MANBA: variants seen among roughly 807,000 people sequenced by gnomAD.
The protein encoded by MANBA is beta-mannosidase.
MANBA carries 83 observed loss-of-function variants against 111.1 expected under a neutral mutation model. The observed-to-expected ratio is 0.75, with a 90% CI of 0.63 to 0.90. The LOEUF (loss-of-function observed/expected upper bound fraction) is 0.90. Among genes scored for constraint, MANBA ranks in the 40% least tolerant of loss-of-function variants. The probability of loss-of-function intolerance (pLI) is 0.00; values close to 1 mark genes in which losing one functional copy is unlikely to be tolerated. For synonymous variants in MANBA, 370 were observed against 378.7 expected (o/e 0.98, Z 0.27); for missense variants, 1,036 against 1,069.0 (o/e 0.97, Z 0.43).
Position 102,632,203 on chromosome 4 carries a change from C to A in MANBA, c.2494G>T (p.Val832Leu). The stretch of plus-strand genomic sequence containing the variant: ...CTAAATCTCCCTGGGATGCTTCCTA[C>A]ATCCAACCAAACAAAGGGAGCGACA... ...SAVAPFVWLD[V>L]GSIPGRFSDN... is the part of the protein sequence containing the mutation. Residue 832 changes from valine to leucine, a missense_variant, in exon 17 of 17, where the codon GTA (valine) becomes TTA (leucine). By Grantham distance (32) the Val-to-Leu change is conservative (BLOSUM62 1). Coordinates refer to ENST00000647097, the MANE Select transcript of MANBA (RefSeq NM_005908.4). 6.2e-7 allele frequency: 1 copy of A among 1,613,530 alleles called. No individual in the cohort carries two copies. The highest frequency in any genetic ancestry group is 8.5e-7 in the Non-Finnish European group (1 of 1,179,552).
chr4:102,707,749 A>T (rs1733364643), intron 5 of MANBA, among the ~76,000 whole-genome samples: 1 of 152,180 alleles, frequency 6.6e-6, no homozygotes, highest in African/African-American at 2.4e-5. Flanking sequence ...ACCAAACTAT[A>T]TGCTGCCTAC....
rs749024457 is a variant in MANBA at position 102,673,975 on chromosome 4, T to C, written c.1056A>G (p.Leu352=). The C allele has an allele frequency of 6.2e-7, 1 of 1,610,610 alleles. No homozygotes were observed. The change falls in exon 8 of 17, where the codon CTA becomes CTG. Residue 352 remains leucine, a synonymous_variant. Coordinates refer to ENST00000647097, the MANE Select transcript of MANBA (RefSeq NM_005908.4). ...CTGCTGGGATCCAGTTTGAGCCTTT[T>C]AGAAATATGGGAAATCCATTAATTT... ...YFKINGFPIF[L]KGSNWIPADS...
At chr4:102,702,992 C>T (rs767188383) in intron 5 of MANBA, among the ~76,000 whole-genome samples, 2 of 152,174 alleles carry the variant, frequency 1.3e-5, no homozygotes, top group Non-Finnish European at 2.9e-5. Context: ...CTACTTTATC[C>T]ACTTACTGCA....
chr4:102,655,220 A>G (rs191739775), intron 12 of MANBA, among the ~76,000 whole-genome samples: 18 of 152,320 alleles, frequency 1.2e-4, no homozygotes, highest in Admixed American at 3.9e-4. Context: ...AAGATTTAAT[A>G]TTACTAGATG....
intron 7 of MANBA, chr4:102,681,619 A>G (rs572039427): frequency 1.3e-5 from 2 of 152,328 alleles, no homozygotes; most frequent in South Asian, 4.1e-4. Context: ...ACTCCAAGAG[A>G]TCACATCGAA....
chr4:102,739,920 A>G (rs1453200126), intron 1 of MANBA, among the ~76,000 whole-genome samples: 1 of 152,242 alleles, frequency 6.6e-6, no homozygotes, highest in African/African-American at 2.4e-5. Context: ...TCTCTTTGAC[A>G]TAGGACTGGA....
In MANBA at chr4:102,748,909, T is replaced by A. The variant is rs553729144; in HGVS notation, c.177+11809A>T. Reference sequence around the variant, plus strand: ...GCCTGGGTGACAAAGCAAGACTCCATCTAAAAAGAAAAAAAAAAACCCATT... The same window carrying A: ...GCCTGGGTGACAAAGCAAGACTCCAACTAAAAAGAAAAAAAAAAACCCATT... On this transcript the variant is annotated intron_variant, in intron 1 of 16. Coordinates refer to ENST00000647097, the MANE Select transcript of MANBA (RefSeq NM_005908.4). 3.3e-5 allele frequency among the ~76,000 whole-genome samples: 5 copies of A among 151,812 alleles called. No homozygotes were observed. In the East Asian group the frequency reaches 9.7e-4, roughly 29 times the overall value.
At chr4:102,649,152 C>T (rs1486409785) in intron 13 of MANBA, among the ~76,000 whole-genome samples, 2 of 152,056 alleles carry the variant, frequency 1.3e-5, no homozygotes, top group Non-Finnish European at 2.9e-5. Flanking sequence ...ATAAATTCTC[C>T]TGTTAAAAGA....
rs1729347687 is a variant in MANBA, at chr4:102,630,805, G to C, written c.*1252C>G. The C allele has an allele frequency of 6.6e-6, 1 of 152,144 alleles. No homozygotes were observed. The highest frequency in any genetic ancestry group is 2.4e-5 in the African/African-American group (1 of 41,418). 9.4% of individuals were successfully genotyped at this position (152,144 alleles called of 1,614,324 possible). A position where few individuals can be genotyped will look rare whatever the true frequency, so the allele number is the denominator to read the frequency against. On this transcript the variant is annotated 3_prime_UTR_variant, in exon 17 of 17. Coordinates refer to ENST00000647097, the MANE Select transcript of MANBA (RefSeq NM_005908.4). Reference sequence around the variant, plus strand: ...TTCTTCAAAACAAACTTACAAGGTGGGTGTTACCACTCCCATTTAGCCACA... The same window carrying C: ...TTCTTCAAAACAAACTTACAAGGTGCGTGTTACCACTCCCATTTAGCCACA...
chr4:102,736,141 G>T (rs1459265738), intron 1 of MANBA, among the ~76,000 whole-genome samples: 1 of 152,210 alleles, frequency 6.6e-6, no homozygotes, highest in African/African-American at 2.4e-5. Flanking sequence ...TGGCTATTAA[G>T]TGGTGGAGGA....
intron 4 of MANBA, among the ~76,000 whole-genome samples, chr4:102,715,382 G>A (rs1427414635): frequency 6.6e-6 from 1 of 152,134 alleles, no homozygotes; most frequent in African/African-American, 2.4e-5. Flanking sequence ...TTAAGCCAGA[G>A]GCACCCAGCT....
At chr4:102,753,679 A>C (rs1723892491) in intron 1 of MANBA, 1 of 154,310 alleles carries the variant, frequency 6.5e-6, no homozygotes, top group Admixed American at 6.5e-5. Context: ...TTCAACATAC[A>C]CAGCTTTAAA....
intron 1 of MANBA, among the ~76,000 whole-genome samples, chr4:102,753,102 G>A (rs1283575511): frequency 6.6e-6 from 1 of 151,808 alleles, no homozygotes; most frequent in Non-Finnish European, 1.5e-5. Context: ...TCTTTATAAT[G>A]GGGTGTATGA....
At chr4:102,659,572 T>G (rs535090370) in intron 11 of MANBA, among the ~76,000 whole-genome samples, 2 of 152,246 alleles carry the variant, frequency 1.3e-5, no homozygotes, top group South Asian at 4.2e-4. Flanking sequence ...CTACTGCCCT[T>G]TTCCCTTAGC....
chr4:102,635,487 C>G (rs1343541262), intron 15 of MANBA, among the ~76,000 whole-genome samples: 1 of 152,194 alleles, frequency 6.6e-6, no homozygotes, highest in African/African-American at 2.4e-5. Context: ...CTGATTTTCA[C>G]TATAACATGC....
chr4:102,728,257 G>C (rs1222917773), intron 1 of MANBA: 1 of 536,424 alleles, frequency 1.9e-6, no homozygotes, highest in Non-Finnish European at 3.8e-6. Context: ...CAAATGCCCA[G>C]GCACCCTGTT....
intron 5 of MANBA, among the ~76,000 whole-genome samples, chr4:102,705,786 A>C (rs542693270): frequency 3.3e-4 from 50 of 152,274 alleles, no homozygotes; most frequent in African/African-American, 1.2e-3. Flanking sequence ...ACTCCCACTC[A>C]GTGCCTGAGC....
chr4:102,748,835 C>T (rs888101439), intron 1 of MANBA, among the ~76,000 whole-genome samples: 2 of 152,098 alleles, frequency 1.3e-5, no homozygotes, highest in African/African-American at 4.8e-5. Flanking sequence ...ATCACTTGAA[C>T]CCAGGAAGCA....
intron 4 of MANBA, 186 bp downstream of exon 4, chr4:102,722,685 A>T (rs1722631543): frequency 1.5e-6 from 1 of 645,284 alleles, no homozygotes; most frequent in Non-Finnish European, 2.7e-6. Flanking sequence ...TTAGAAAAAG[A>T]TAAAGATTCT....
Sources: gnomAD v4.1 joint callset for allele counts (sites outside exome capture counted in the v4.1 genomes callset) on GRCh38, gnomAD v4.1.1 for gene constraint, MANE v1.5 for transcripts, NCBI Gene and HGNC (gene_info 2026-07-23, HGNC 2026-07-21) for gene names.